Variants in BTBD7 observed in about 807,000 individuals in gnomAD.
BTBD7 encodes the protein BTB domain containing 7, also known as BTB/POZ domain-containing protein 7.
In BTBD7, 38 loss-of-function variants were observed where a neutral mutation model predicts 99.9. That is an observed-to-expected ratio of 0.38 (90% CI 0.29 to 0.50). BTBD7 has a LOEUF of 0.50. Among genes scored for constraint, BTBD7 ranks in the 20% least tolerant of loss-of-function variants. BTBD7 has a pLI of 0.93. For missense variants in BTBD7, 1,170 were observed against 1,394.6 expected (o/e 0.84, Z 2.57); for synonymous variants, 520 against 511.4 (o/e 1.02, Z -0.23).
At chr14:93,253,565 ATT>A (rs2052391948) in intron 7 of BTBD7, 80 bp downstream of exon 7, 1 of 1,281,738 alleles carries the variant, frequency 7.8e-7, no homozygotes, top group Non-Finnish European at 1.0e-6. Context: ...ATTTCCAAAT[ATT>A]TAAGTAATAC....
At chr14:93,332,387 C>T (rs1382712038) in intron 1 of BTBD7, 2 of 152,856 alleles carry the variant, frequency 1.3e-5, no homozygotes, top group Admixed American at 1.3e-4. Context: ...CACGCCCACC[C>T]CTGGCGGTCG....
At chr14:93,250,675 A>G (rs1042439425) in intron 8 of BTBD7, among the ~76,000 whole-genome samples, 1 of 152,258 alleles carries the variant, frequency 6.6e-6, no homozygotes, top group African/African-American at 2.4e-5. Flanking sequence ...CCACCAGATC[A>G]TTGTTGCTTT....
At chr14:93,251,168 C>T (rs1339875641) in intron 8 of BTBD7, among the ~76,000 whole-genome samples, 2 of 152,212 alleles carry the variant, frequency 1.3e-5, no homozygotes, top group Admixed American at 6.5e-5. Context: ...CAGCTGACCA[C>T]CCTACAAAGC....
intron 3 of BTBD7, among the ~76,000 whole-genome samples, chr14:93,268,900 A>G (rs1236022944): frequency 6.6e-6 from 1 of 151,982 alleles, no homozygotes; most frequent in Non-Finnish European, 1.5e-5. Flanking sequence ...CTGGGATTAC[A>G]GGCACCCACC....
chr14:93,258,719 G>A (rs941228232), intron 5 of BTBD7, among the ~76,000 whole-genome samples: 6 of 152,168 alleles, frequency 3.9e-5, no homozygotes, highest in African/African-American at 1.4e-4. Flanking sequence ...CAAGTAGCTG[G>A]GATTATAGGC....
rs898584689 is a variant in BTBD7 at position 93,248,552 on chromosome 14, G to A, written c.2045C>T (p.Ala682Val). The part of the protein sequence containing the change: ...RAYALNCGEG[A>V]TVSYEIQIRV... ...AATCTGAATTTCATAGCTGACAGTG[G>A]CGCCTTCCCCGCAGTTCAGGGCATA... Residue 682 changes from alanine to valine, a missense_variant, in exon 9 of 11, where the codon GCC (alanine) becomes GTC (valine). By Grantham distance (64) the Ala-to-Val change is moderately conservative. Around this residue, in one of 4 missense-constraint regions of BTBD7, gnomAD observed 309 missense variants for 342.0 expected, o/e 0.90. Coordinates refer to ENST00000334746, the MANE Select transcript of BTBD7 (RefSeq NM_001002860.4). 1 of 1,613,968 alleles carries A rather than the reference G, an allele frequency of 6.2e-7. No individual in the cohort carries two copies. The highest frequency in any genetic ancestry group is 1.3e-5 in the African/African-American group (1 of 74,926).
At chr14:93,301,269 G>A (rs1273105718) in intron 1 of BTBD7, among the ~76,000 whole-genome samples, 1 of 151,526 alleles carries the variant, frequency 6.6e-6, no homozygotes, top group Non-Finnish European at 1.5e-5. Context: ...TCAGCTCACT[G>A]CAACCTCCAC....
chr14:93,259,067 C>G (rs973972103), intron 5 of BTBD7, among the ~76,000 whole-genome samples: 2 of 152,172 alleles, frequency 1.3e-5, no homozygotes, highest in African/African-American at 4.8e-5. Context: ...AAAGTCAACA[C>G]AAACAATGAA....
intron 1 of BTBD7, among the ~76,000 whole-genome samples, chr14:93,320,114 A>C (rs2053253313): frequency 6.6e-6 from 1 of 152,232 alleles, no homozygotes; most frequent in Non-Finnish European, 1.5e-5. Context: ...TGGCTGCAAA[A>C]AGGTTCAGAG....
At chr14:93,259,096 T>C (rs915611263) in intron 5 of BTBD7, among the ~76,000 whole-genome samples, 4 of 152,240 alleles carry the variant, frequency 2.6e-5, no homozygotes, top group African/African-American at 9.6e-5. Flanking sequence ...TACTGAACTG[T>C]TGCTCATAGG....
At chr14:93,254,142 T>G (rs1352250726) in intron 6 of BTBD7, among the ~76,000 whole-genome samples, 1 of 152,138 alleles carries the variant, frequency 6.6e-6, no homozygotes, top group Non-Finnish European at 1.5e-5. Flanking sequence ...TTTCACCATG[T>G]TGGTCAGGCT....
At chr14:93,301,504 CAT>C (rs146779909) in intron 1 of BTBD7, among the ~76,000 whole-genome samples, 17 of 150,084 alleles carry the variant, frequency 1.1e-4, no homozygotes, top group Non-Finnish European at 1.5e-4. Context: ...AATATTTTTA[CAT>C]ATATATATAT....
Position 93,240,983 on chromosome 14 carries a change from C to A in BTBD7, c.*1290G>T, listed in dbSNP as rs1015738893. ...AAAAGAAAACGTATCTTTACAAACA[C>A]CAAATAACATCCATGAGACTGAAGC... On this transcript the variant is annotated 3_prime_UTR_variant, in exon 11 of 11. Transcript: ENST00000334746. 1 of 152,304 alleles carries A rather than the reference C, an allele frequency of 6.6e-6. No individual in the cohort carries two copies. Among genetic ancestry groups the A allele is most frequent in the Admixed American group, 6.5e-5 (1 of 15,268 alleles). 9.4% of individuals were successfully genotyped at this position (152,304 alleles called of 1,614,324 possible).
chr14:93,284,869 G>A (rs772318721), intron 3 of BTBD7, among the ~76,000 whole-genome samples: 10 of 152,082 alleles, frequency 6.6e-5, no homozygotes, highest in Non-Finnish European at 1.5e-4. Context: ...TGAGAGCAGA[G>A]GGTCAGAGGT....
At chr14:93,247,944 C>A (rs1010107587) in intron 9 of BTBD7, among the ~76,000 whole-genome samples, 1 of 152,074 alleles carries the variant, frequency 6.6e-6, no homozygotes, top group Non-Finnish European at 1.5e-5. Flanking sequence ...AGATGGAAAA[C>A]AGAAACGAAA....
chr14:93,258,183 T>TG (rs2052450881), intron 5 of BTBD7, among the ~76,000 whole-genome samples: 1 of 151,788 alleles, frequency 6.6e-6, no homozygotes, highest in Non-Finnish European at 1.5e-5. Context: ...ACAGGAAAAC[T>TG]GGTATCTTCC....
At position 93,242,794 on chromosome 14, in the gene BTBD7, G is replaced by C; in HGVS notation, c.2878C>G (p.Leu960Val). ...NAACRPSTPA[L>V]SRRTPSPSQG... is the part of the protein sequence containing the mutation. ...GAAGGGGAAGGGGTGCGTCTGCTGA[G>C]AGCAGGAGTAGAAGGTCTGCAAGCA... The change falls in exon 11 of 11, where the codon CTC becomes GTC. Residue 960 changes from leucine to valine, a missense_variant. Physicochemically the swap from Leu to Val is conservative, Grantham distance 32 (BLOSUM62 1). Transcript: ENST00000334746. The C allele has an allele frequency of 1.2e-6, 2 of 1,614,214 alleles. No homozygotes were observed. The highest frequency in any genetic ancestry group is 1.7e-6 in the Non-Finnish European group (2 of 1,180,034).
At chr14:93,327,840 T>C (rs1307773214) in intron 1 of BTBD7, among the ~76,000 whole-genome samples, 2 of 152,140 alleles carry the variant, frequency 1.3e-5, no homozygotes, top group Admixed American at 6.5e-5. Flanking sequence ...ATTAACTGTT[T>C]GCAAATGACA....
rs549435666 is a variant in BTBD7 at position 93,306,302 on chromosome 14, A to T, written c.-106-10145T>A. Among the ~76,000 whole-genome samples the T allele has an allele frequency of 2.2e-3, 335 of 152,138 alleles. 3 individuals carry two copies. The highest frequency in any genetic ancestry group is 7.6e-3 in the African/African-American group (314 of 41,500). On this transcript the variant is annotated intron_variant, in intron 1 of 10. Coordinates refer to ENST00000334746, the MANE Select transcript of BTBD7 (RefSeq NM_001002860.4). ...AGGGTGATAAAGGTAATGGGTTTGA[A>T]ATCTGGGAAAGACATATTAAAGAGG...
Sources: allele counts gnomAD v4.1 joint callset (sites outside exome capture counted in the v4.1 genomes callset), GRCh38; gene constraint gnomAD v4.1.1; regional missense constraint gnomAD v4.1.1; transcripts MANE v1.5; gene names NCBI Gene and HGNC (gene_info 2026-07-23, HGNC 2026-07-21).